Variants in CFAP45 observed in about 807,000 individuals in gnomAD.
CFAP45 encodes the protein cilia- and flagella-associated protein 45.
A neutral mutation model predicts 75.6 loss-of-function variants in CFAP45; 43 were observed. That is an observed-to-expected ratio of 0.57 (90% CI 0.45 to 0.73). CFAP45 has a LOEUF of 0.73. CFAP45 is among the 30% of genes least tolerant of loss of function. The probability of loss-of-function intolerance (pLI) is 0.00; values close to 1 mark genes in which losing one functional copy is unlikely to be tolerated. For missense variants in CFAP45, 689 were observed against 701.5 expected (o/e 0.98, Z 0.20); for synonymous variants, 223 against 244.6 (o/e 0.91, Z 0.82).
chr1:159,893,919 A>G (rs1649890784), intron 1 of CFAP45, among the ~76,000 whole-genome samples: 1 of 151,398 alleles, frequency 6.6e-6, no homozygotes, highest in South Asian at 2.1e-4. Context: ...ATATACATGT[A>G]TACAATGTAT....
chr1:159,879,722 C>A (rs1021887715), intron 8 of CFAP45, among the ~76,000 whole-genome samples: 1 of 152,126 alleles, frequency 6.6e-6, no homozygotes, highest in Non-Finnish European at 1.5e-5. Context: ...ACCAAATATG[C>A]CATTCAAATT....
In CFAP45 at chr1:159,880,691, GT is replaced by G; in HGVS notation, c.906del (p.Glu302AspfsTer8). The G allele has an allele frequency of 6.2e-7, 1 of 1,613,706 alleles. No individual in the cohort carries two copies. The highest frequency in any genetic ancestry group is 8.5e-7 in the Non-Finnish European group (1 of 1,179,856). On this transcript the variant is annotated frameshift_variant, in exon 8 of 12. Transcript: ENST00000368099. LOFTEE classifies it high-confidence loss of function. ...QLQEEDLKDMERRQQQKLKMQ... is the reference protein window; with the variant it reads ...QLQEEDLKDMXRRQQQKLKMQ... The stretch of plus-strand genomic sequence containing the variant: ...ATCTTCAGTTTTTGTTGCTGCCTTC[GT>G]TCCATGTCCTGCCAGCAAAAGAAAG...
intron 1 of CFAP45, among the ~76,000 whole-genome samples, chr1:159,895,603 C>T (rs1264780851): frequency 6.6e-6 from 1 of 152,204 alleles, no homozygotes; most frequent in Non-Finnish European, 1.5e-5. Flanking sequence ...AGGGAGTCTC[C>T]CTCTACAGCG....
chr1:159,880,927 T>C (rs1407031824), intron 7 of CFAP45, among the ~76,000 whole-genome samples: 1 of 152,214 alleles, frequency 6.6e-6, no homozygotes, highest in Non-Finnish European at 1.5e-5. Context: ...TGGCAGCCCC[T>C]GATGCTATTG....
At chr1:159,875,879 A>T (rs529290239) in intron 10 of CFAP45, among the ~76,000 whole-genome samples, 1 of 152,342 alleles carries the variant, frequency 6.6e-6, no homozygotes, top group South Asian at 2.1e-4. Flanking sequence ...AGATGTGAAC[A>T]TTTAGCTTCC....
chr1:159,874,279 C>A (rs945433859), intron 10 of CFAP45, among the ~76,000 whole-genome samples: 4 of 152,180 alleles, frequency 2.6e-5, no homozygotes, highest in Non-Finnish European at 5.9e-5. Flanking sequence ...GATACCCCAA[C>A]AAAAGGTACC....
chr1:159,872,663 G>T, intron 11 of CFAP45, 100 bp from the exon 12 acceptor site: 1 of 1,051,836 alleles, frequency 9.5e-7, no homozygotes, highest in Non-Finnish European at 1.5e-6. Flanking sequence ...CTGGGGGCCT[G>T]CACCCCCCAA....
intron 2 of CFAP45, among the ~76,000 whole-genome samples, chr1:159,892,298 A>G (rs1649848136): frequency 6.6e-6 from 1 of 152,192 alleles, no homozygotes. Flanking sequence ...TATCTTTAAA[A>G]AAATAATAAA....
intron 4 of CFAP45, 141 bp from the exon 5 acceptor site, chr1:159,888,152 G>T: frequency 9.1e-7 from 1 of 1,099,628 alleles, no homozygotes; most frequent in Non-Finnish European, 1.3e-6. Flanking sequence ...CCACAGCCTG[G>T]CTTCATTCTC....
Position 159,877,391 on chromosome 1 carries a change from C to T in CFAP45, c.1116G>A (p.Leu372=). The T allele has an allele frequency of 6.2e-7, 1 of 1,614,122 alleles. No individual in the cohort carries two copies. Among genetic ancestry groups the T allele is most frequent in the Non-Finnish European group, 8.5e-7 (1 of 1,179,972 alleles). ...CCTGGGCCTTCTCCTGCATGGCCCT[C>T]AAGCGTGCGATCTCCTTCTCTTTCT... ...RREKEKEIAR[L]RAMQEKAQDY... is the part of the protein sequence containing the mutation. The change falls in exon 9 of 12, where the codon TTG becomes TTA. Residue 372 remains leucine (L), a synonymous_variant. Transcript: ENST00000368099.
intron 1 of CFAP45, among the ~76,000 whole-genome samples, chr1:159,895,317 T>C (rs758531512): frequency 9.2e-5 from 14 of 152,132 alleles, no homozygotes; most frequent in Non-Finnish European, 2.1e-4. Context: ...GCCAGGCACA[T>C]TGGGTCTCCC....
chr1:159,878,753 TAAAAAAAAAAA>T lies in CFAP45; in HGVS notation c.1045-1302_1045-1292del, dbSNP rs539116292. On this transcript the variant is annotated intron_variant, in intron 8 of 11. Coordinates refer to ENST00000368099, the MANE Select transcript of CFAP45 (RefSeq NM_012337.3). ...CCTAGTGACAGAGCAAGACTACATC[TAAAAAAAAAAA>T]AAAAAAAAAAAAAAAAAACCTTCCT... Among the ~76,000 whole-genome samples, 99 of 32,486 alleles carry T rather than the reference TAAAAAAAAAAA, an allele frequency of 3.0e-3. 5 individuals carry two copies. Among genetic ancestry groups the T allele is most frequent in the South Asian group, 0.03 (11 of 370 alleles). 21.3% of individuals were successfully genotyped at this position (32,486 alleles called of 152,430 possible).
intron 1 of CFAP45, 38 bp from the exon 2 acceptor site, chr1:159,893,343 G>A (rs753111503): frequency 2.5e-6 from 4 of 1,607,386 alleles, no homozygotes; most frequent in Non-Finnish European, 3.4e-6. Context: ...CATCAGTACT[G>A]AGTGGCATCC....
chr1:159,873,365 C>T (rs1010157853), intron 10 of CFAP45, 197 bp from the exon 11 acceptor site: 5 of 598,806 alleles, frequency 8.3e-6, no homozygotes, highest in East Asian at 5.5e-5. Flanking sequence ...TTCTCCTACC[C>T]AGCCAGGACT....
Position 159,893,124 on chromosome 1 carries a change from T to C in CFAP45, c.129+56A>G, listed in dbSNP as rs1218224332. The C allele has an allele frequency of 1.9e-6, 3 of 1,601,458 alleles. No homozygotes were observed. In the African/African-American group the frequency reaches 4.0e-5, roughly 21 times the overall value. On this transcript the variant is annotated intron_variant, in intron 2 of 11. Coordinates refer to ENST00000368099, the MANE Select transcript of CFAP45 (RefSeq NM_012337.3). Reference sequence around the variant, plus strand: ...AGCAGAAGCTTTGCCCTGAGCTACATTTTTGGGCCTCTGCCTGCAGGTGGC... The same window carrying C: ...AGCAGAAGCTTTGCCCTGAGCTACACTTTTGGGCCTCTGCCTGCAGGTGGC...
chr1:159,873,424 C>G (rs1190431209), intron 10 of CFAP45: 4 of 545,522 alleles, frequency 7.3e-6, no homozygotes, highest in South Asian at 7.0e-5. Context: ...TAGAAGGGCC[C>G]CCAGCTTGGT....
At position 159,888,407 on chromosome 1, in the gene CFAP45, C is replaced by CTGGGACTTAACCAGGACA; in HGVS notation, c.361_362insTGTCCTGGTTAAGTCCCA (p.Thr120_Arg121insMetSerTrpLeuSerPro). 1 of 1,611,428 alleles carries CTGGGACTTAACCAGGACA rather than the reference C, an allele frequency of 6.2e-7. No homozygotes were observed. Among genetic ancestry groups the CTGGGACTTAACCAGGACA allele is most frequent in the Non-Finnish European group, 8.5e-7 (1 of 1,178,030 alleles). Reference sequence around the variant, plus strand: ...CTGGTCCCTGGCCTCAAGTTCTTCTCTGGTCAGGACATGGGATGCCCATTT... The same window carrying CTGGGACTTAACCAGGACA: ...CTGGTCCCTGGCCTCAAGTTCTTCTCTGGGACTTAACCAGGACATGGTCAGGACATGGGATGCCCATTT... On this transcript the variant is annotated inframe_insertion, in exon 4 of 12. Transcript: ENST00000368099.
At position 159,887,892 on chromosome 1, in the gene CFAP45, T is replaced by G; in HGVS notation, c.537A>C (p.Arg179Ser). The G allele has an allele frequency of 1.2e-6, 2 of 1,614,186 alleles. No individual in the cohort carries two copies. The highest frequency in any genetic ancestry group is 2.2e-5 in the South Asian group (2 of 91,084). Residue 179 changes from arginine to serine, a missense_variant, in exon 5 of 12, where the codon AGA becomes AGC. Arg to Ser is a moderately radical substitution (Grantham distance 110). Transcript: ENST00000368099. Reference protein sequence around the residue: ...AKERAQNLLQRANKLRMEQEE... With the variant: ...AKERAQNLLQSANKLRMEQEE... ...CCTGCTCCATCCGCAGCTTGTTGGCTCTCTGCAGGAGGTTCTGGGCCCGTT... is the reference window on the plus strand; with the variant it reads ...CCTGCTCCATCCGCAGCTTGTTGGCGCTCTGCAGGAGGTTCTGGGCCCGTT...
At chr1:159,882,771 T>G (rs1487986849) in intron 7 of CFAP45, among the ~76,000 whole-genome samples, 3 of 152,070 alleles carry the variant, frequency 2.0e-5, no homozygotes, top group Non-Finnish European at 2.9e-5. Context: ...ACTCCCCACA[T>G]CTAGTTGGAT....
Sources: gnomAD v4.1 joint callset for allele counts (sites outside exome capture counted in the v4.1 genomes callset) on GRCh38, gnomAD v4.1.1 for gene constraint, MANE v1.5 for transcripts, NCBI Gene and HGNC (gene_info 2026-07-23, HGNC 2026-07-21) for gene names.